The following WDTC1 variants were observed in gnomAD, a reference collection of about 807,000 sequenced individuals.
The protein encoded by WDTC1 is WD and tetratricopeptide repeats protein 1.
A neutral mutation model predicts 76.0 loss-of-function variants in WDTC1; 12 were observed. That is an observed-to-expected ratio of 0.16 (90% CI 0.10 to 0.26). The LOEUF (loss-of-function observed/expected upper bound fraction) is 0.26. Ranked by LOEUF, WDTC1 falls within the 10% of genes least tolerant of loss-of-function variation. The probability of loss-of-function intolerance (pLI) is 1.00; values close to 1 mark genes in which losing one functional copy is unlikely to be tolerated. For missense variants in WDTC1, 511 were observed against 908.8 expected (o/e 0.56, Z 5.63); for synonymous variants, 326 against 350.8 (o/e 0.93, Z 0.79).
intron 7 of WDTC1, among the ~76,000 whole-genome samples, chr1:27,293,204 A>T (rs1314723446): frequency 6.6e-6 from 1 of 151,546 alleles, no homozygotes; most frequent in African/African-American, 2.4e-5. Context: ...AGGCCGAGGC[A>T]GGCGGATCAC....
Position 27,301,083 on chromosome 1 carries a change from G to A in WDTC1, c.1233-143G>A. The A allele has an allele frequency of 2.8e-6, 2 of 704,848 alleles. No homozygotes were observed. The highest frequency in any genetic ancestry group is 4.8e-6 in the Non-Finnish European group (2 of 415,010). 43.7% of individuals were successfully genotyped at this position (704,848 alleles called of 1,614,324 possible). On this transcript the variant is annotated intron_variant, in intron 12 of 15. Transcript: ENST00000319394. The surrounding 1 kb of genome is among the most constrained non-coding windows in gnomAD (Gnocchi z 5.8). ...ATGGGGGAGGCCTGGGCTGAGCCAGGATTCTCTTCGTCCTCAAGTCCCCTT... is the reference window on the plus strand; with the variant it reads ...ATGGGGGAGGCCTGGGCTGAGCCAGAATTCTCTTCGTCCTCAAGTCCCCTT...
At chr1:27,288,495 C>A (rs887960055) in intron 6 of WDTC1, among the ~76,000 whole-genome samples, 1 of 152,092 alleles carries the variant, frequency 6.6e-6, no homozygotes, top group African/African-American at 2.4e-5. Flanking sequence ...GAGGACCCTG[C>A]GGCCCTCTGC....
At chr1:27,245,376 G>C (rs2147906589) in intron 1 of WDTC1, among the ~76,000 whole-genome samples, 1 of 151,768 alleles carries the variant, frequency 6.6e-6, no homozygotes, top group East Asian at 1.9e-4. Flanking sequence ...TGGAAGACCA[G>C]TGGGATCAAT....
At chr1:27,278,045 G>T (rs2013082660) in intron 3 of WDTC1, among the ~76,000 whole-genome samples, 1 of 152,088 alleles carries the variant, frequency 6.6e-6, no homozygotes, top group Non-Finnish European at 1.5e-5. Context: ...GTTTCACCAT[G>T]TTGGCCAGGC....
Position 27,306,573 on chromosome 1 carries a change from G to T in WDTC1, c.*190G>T. 1.5e-6 allele frequency: 1 copy of T among 683,268 alleles called. No individual in the cohort carries two copies. Among genetic ancestry groups the T allele is most frequent in the Non-Finnish European group, 2.4e-6 (1 of 414,942 alleles). 42.3% of individuals were successfully genotyped at this position (683,268 alleles called of 1,614,324 possible). On this transcript the variant is annotated 3_prime_UTR_variant, in exon 16 of 16. Coordinates refer to ENST00000319394, the MANE Select transcript of WDTC1 (RefSeq NM_001276252.2). The surrounding 1 kb of genome is among the most constrained non-coding windows in gnomAD (Gnocchi z 5.0). The stretch of plus-strand genomic sequence containing the variant: ...CTGGCTTTCGGACTCTGGGCTGATT[G>T]TCCCCTGACTATCCCCAGCCCTGAA...
At chr1:27,284,517 A>C (rs1284484414) in intron 5 of WDTC1, among the ~76,000 whole-genome samples, 1 of 152,186 alleles carries the variant, frequency 6.6e-6, no homozygotes, top group East Asian at 1.9e-4. Context: ...TCTCGCCTTT[A>C]GAGACAGAAC....
chr1:27,248,858 A>G (rs549673220), intron 1 of WDTC1, among the ~76,000 whole-genome samples: 1 of 151,842 alleles, frequency 6.6e-6, no homozygotes, highest in South Asian at 2.1e-4. Context: ...GGGTTTCACC[A>G]TGTTTCCCAG....
At chr1:27,254,639 G>T (rs1359901311) in intron 1 of WDTC1, among the ~76,000 whole-genome samples, 2 of 151,824 alleles carry the variant, frequency 1.3e-5, no homozygotes, top group Non-Finnish European at 2.9e-5. Context: ...ATTAAATTTT[G>T]ACTTTTTTTT....
intron 3 of WDTC1, among the ~76,000 whole-genome samples, chr1:27,267,287 G>A (rs1438759541): frequency 4.0e-5 from 6 of 148,538 alleles, no homozygotes; most frequent in Non-Finnish European, 1.5e-5. Flanking sequence ...TCACTCTGTC[G>A]CCTAGGCTGT....
chr1:27,306,390 C>T lies in WDTC1; in HGVS notation c.*7C>T, dbSNP rs745307013. On this transcript the variant is annotated 3_prime_UTR_variant, in exon 16 of 16. Coordinates refer to ENST00000319394, the MANE Select transcript of WDTC1 (RefSeq NM_001276252.2). The surrounding 1 kb of genome is among the most constrained non-coding windows in gnomAD (Gnocchi z 5.0). Reference sequence around the variant, plus strand: ...GCAGTGCCGGCCCAGCTAGACCCTCCAGCCCTGGTCCCCAGCCCCTGCTAC... The same window carrying T: ...GCAGTGCCGGCCCAGCTAGACCCTCTAGCCCTGGTCCCCAGCCCCTGCTAC... The T allele has an allele frequency of 1.9e-6, 3 of 1,609,026 alleles. No homozygotes were observed. Among genetic ancestry groups the T allele is most frequent in the South Asian group, 2.2e-5 (2 of 90,992 alleles).
chr1:27,274,012 G>A lies in WDTC1; in HGVS notation c.133-8227G>A, dbSNP rs566235704. On this transcript the variant is annotated intron_variant, in intron 3 of 15. Coordinates refer to ENST00000319394, the MANE Select transcript of WDTC1 (RefSeq NM_001276252.2). This position sits in a 1 kb window ranked among gnomAD's most constrained non-coding sequence, Gnocchi z 4.2. ...ATTGTTCATTAGGAAAATACAAAGG[G>A]CTGAGCATAGTGGCTCACACCTGTA... Among the ~76,000 whole-genome samples the A allele has an allele frequency of 3.3e-5, 5 of 152,216 alleles. No homozygotes were observed. The highest frequency in any genetic ancestry group is 1.2e-4 in the African/African-American group (5 of 41,536).
At position 27,301,801 on chromosome 1, in the gene WDTC1, G is replaced by A. The variant is rs2147992785; in HGVS notation, c.1468+340G>A. ...TTCACACCTGCTTAGACAGGGCCCT[G>A]GTGGTTCCACTTGGGCATCTGAGAG... On this transcript the variant is annotated intron_variant, in intron 13 of 15. Transcript: ENST00000319394. The surrounding 1 kb of genome is among the most constrained non-coding windows in gnomAD (Gnocchi z 5.8). 6.6e-6 allele frequency among the ~76,000 whole-genome samples: 1 copy of A among 152,306 alleles called. No individual in the cohort carries two copies. Among genetic ancestry groups the A allele is most frequent in the Admixed American group, 6.5e-5 (1 of 15,300 alleles).
intron 6 of WDTC1, among the ~76,000 whole-genome samples, chr1:27,289,331 CCT>C (rs1289287511): frequency 1.3e-5 from 2 of 151,434 alleles, no homozygotes; most frequent in Non-Finnish European, 2.9e-5. Context: ...CAGAGGGTCT[CCT>C]CACTTCTCAG....
chr1:27,276,113 A>G (rs1032326174), intron 3 of WDTC1, among the ~76,000 whole-genome samples: 2 of 152,170 alleles, frequency 1.3e-5, no homozygotes, highest in African/African-American at 4.8e-5. Flanking sequence ...CATTCTGTCT[A>G]TCCATTCATC....
chr1:27,254,606 A>C (rs1385394967), intron 1 of WDTC1, among the ~76,000 whole-genome samples: 2 of 151,830 alleles, frequency 1.3e-5, no homozygotes, highest in Admixed American at 6.6e-5. Flanking sequence ...AAAAAAAAAG[A>C]ATGCTAAGTA....
At chr1:27,241,154 G>T (rs186871077) in intron 1 of WDTC1, among the ~76,000 whole-genome samples, 1 of 152,008 alleles carries the variant, frequency 6.6e-6, no homozygotes, top group Non-Finnish European at 1.5e-5. Flanking sequence ...TAGGATACAA[G>T]GTCACAACTG....
At chr1:27,251,008 T>C (rs1227417588) in intron 1 of WDTC1, among the ~76,000 whole-genome samples, 1 of 142,708 alleles carries the variant, frequency 7.0e-6, no homozygotes, top group Non-Finnish European at 1.5e-5. Flanking sequence ...CTGGGATTAC[T>C]GGCGTGCACC....
intron 1 of WDTC1, among the ~76,000 whole-genome samples, chr1:27,256,861 A>G (rs781507670): frequency 5.9e-5 from 9 of 152,002 alleles, no homozygotes; most frequent in Non-Finnish European, 4.4e-5. Flanking sequence ...TTGACAACAT[A>G]TATTTCTTTC....
At chr1:27,294,995 A>G (rs915244129) in intron 9 of WDTC1, among the ~76,000 whole-genome samples, 2 of 152,088 alleles carry the variant, frequency 1.3e-5, no homozygotes, top group African/African-American at 4.8e-5. Flanking sequence ...CTCGTCTGCT[A>G]TTTTCCTAGG....
Sources: gnomAD v4.1 joint callset for allele counts (sites outside exome capture counted in the v4.1 genomes callset) on GRCh38, gnomAD v4.1.1 for gene constraint, Gnocchi (gnomAD v3.1) non-coding constraint, MANE v1.5 for transcripts, NCBI Gene and HGNC (gene_info 2026-07-23, HGNC 2026-07-21) for gene names.